The following KIAA1217 variants were observed in gnomAD, a reference collection of about 807,000 sequenced individuals.
KIAA1217 encodes sickle tail protein homolog.
A neutral mutation model predicts 163.9 loss-of-function variants in KIAA1217; 88 were observed. That is an observed-to-expected ratio of 0.54 (90% CI 0.45 to 0.64). KIAA1217 has a LOEUF of 0.64. Ranked by LOEUF, KIAA1217 falls within the 30% of genes least tolerant of loss-of-function variation. KIAA1217 has a pLI of 0.00. For missense variants in KIAA1217, 2,372 were observed against 2,475.0 expected (o/e 0.96, Z 0.88); for synonymous variants, 903 against 923.1 (o/e 0.98, Z 0.39).
intron 2 of KIAA1217, among the ~76,000 whole-genome samples, chr10:24,025,825 G>A (rs1008911183): frequency 1.1e-4 from 17 of 151,670 alleles, no homozygotes; most frequent in African/African-American, 4.1e-4. Flanking sequence ...CTAAAATACA[G>A]AAATACAATT....
intron 2 of KIAA1217, among the ~76,000 whole-genome samples, chr10:24,294,139 G>T (rs1047640602): frequency 1.2e-4 from 14 of 118,216 alleles, no homozygotes; most frequent in East Asian, 2.8e-4. Context: ...AGTGAGCCGA[G>T]ATAGCGCCAC....
intron 8 of KIAA1217, 114 bp from the exon 9 acceptor site, chr10:24,501,265 G>A (rs753810330): frequency 2.3e-4 from 196 of 854,354 alleles, no homozygotes; most frequent in Non-Finnish European, 3.3e-4. Flanking sequence ...CATATTTTTT[G>A]TAATGAGAGA....
chr10:24,039,786 A>T (rs1328367730), intron 2 of KIAA1217, among the ~76,000 whole-genome samples: 5 of 142,702 alleles, frequency 3.5e-5, no homozygotes, highest in Non-Finnish European at 7.6e-5. Flanking sequence ...TATTGGCATG[A>T]TATAGATATA....
At chr10:24,493,060 G>A (rs1428026336) in intron 6 of KIAA1217, among the ~76,000 whole-genome samples, 2 of 152,160 alleles carry the variant, frequency 1.3e-5, no homozygotes, top group South Asian at 2.1e-4. Flanking sequence ...TGGCCAGGCT[G>A]GTCTCGAAGT....
At chr10:24,321,406 G>A (rs964743087) in intron 2 of KIAA1217, among the ~76,000 whole-genome samples, 1 of 152,056 alleles carries the variant, frequency 6.6e-6, no homozygotes, top group Non-Finnish European at 1.5e-5. Flanking sequence ...GGGCGTAGTG[G>A]TGCATGCCTG....
At position 24,018,681 on chromosome 10, in the gene KIAA1217, T is replaced by C. The variant is rs867646580; in HGVS notation, c.-171+11307T>C. Among the ~76,000 whole-genome samples, 25 of 152,168 alleles carry C rather than the reference T, an allele frequency of 1.6e-4. 1 individual carries two copies. Among genetic ancestry groups the C allele is most frequent in the South Asian group, 8.3e-4 (4 of 4,824 alleles). On this transcript the variant is annotated intron_variant, in intron 2 of 18. Coordinates refer to the KIAA1217 transcript ENST00000376462. Reference sequence around the variant, plus strand: ...CAAAAAACTAAACTTAGAACTGCTATATGACCCAGCAATCCCACTACTGGG... The same window carrying C: ...CAAAAAACTAAACTTAGAACTGCTACATGACCCAGCAATCCCACTACTGGG...
intron 2 of KIAA1217, among the ~76,000 whole-genome samples, chr10:24,326,405 C>G (rs1286783664): frequency 6.6e-6 from 1 of 151,956 alleles, no homozygotes; most frequent in Non-Finnish European, 1.5e-5. Flanking sequence ...AAGTCGATGG[C>G]AAAATACTTT....
At chr10:24,082,244 AT>A (rs2131659619) in intron 2 of KIAA1217, among the ~76,000 whole-genome samples, 1 of 150,216 alleles carries the variant, frequency 6.7e-6, no homozygotes, top group South Asian at 2.1e-4. Context: ...TTTTTTCTTT[AT>A]TTTTATTTTT....
In KIAA1217 at chr10:24,495,200, A is replaced by G; in HGVS notation, c.1834+4A>G. Reference sequence around the variant, plus strand: ...AGGAACCACACAGATAGTGCAGGTAAGTAAGTGTTTTTGGAGCTGTAGGAG... The same window carrying G: ...AGGAACCACACAGATAGTGCAGGTAGGTAAGTGTTTTTGGAGCTGTAGGAG... On this transcript the variant is annotated splice_donor_region_variant and intron_variant, in intron 8 of 20. Transcript: ENST00000376454. The G allele has an allele frequency of 6.2e-7, 1 of 1,611,320 alleles. No individual in the cohort carries two copies. The highest frequency in any genetic ancestry group is 8.5e-7 in the Non-Finnish European group (1 of 1,178,992).
At chr10:24,198,709 G>T (rs929349764) in intron 2 of KIAA1217, among the ~76,000 whole-genome samples, 1 of 152,058 alleles carries the variant, frequency 6.6e-6, no homozygotes, top group Non-Finnish European at 1.5e-5. Context: ...CATGAAAGAG[G>T]CTCACATATA....
chr10:24,068,794 T>A (rs904332693), intron 2 of KIAA1217, among the ~76,000 whole-genome samples: 1 of 152,212 alleles, frequency 6.6e-6, no homozygotes, highest in Non-Finnish European at 1.5e-5. Context: ...AGAAGTTGAC[T>A]ATGCACCCAA....
At chr10:24,410,180 G>A (rs2057638237) in intron 3 of KIAA1217, among the ~76,000 whole-genome samples, 1 of 151,794 alleles carries the variant, frequency 6.6e-6, no homozygotes, top group Non-Finnish European at 1.5e-5. Context: ...ATTTTTAGTA[G>A]AGACAGGGTT....
chr10:24,453,874 A>C (rs1328681686), intron 5 of KIAA1217, among the ~76,000 whole-genome samples: 1 of 152,214 alleles, frequency 6.6e-6, no homozygotes, highest in East Asian at 1.9e-4. Context: ...ACGACTAAGG[A>C]GAGAAAAAGT....
chr10:24,315,025 A>G (rs1448618837), intron 2 of KIAA1217, among the ~76,000 whole-genome samples: 1 of 152,198 alleles, frequency 6.6e-6, no homozygotes, highest in Admixed American at 6.5e-5. Context: ...GAGGCTTTCC[A>G]TCTTATCTTG....
chr10:23,939,933 CATATTAAATATATA>C (rs1843686219), intron 1 of KIAA1217, among the ~76,000 whole-genome samples: 1 of 149,516 alleles, frequency 6.7e-6, no homozygotes, highest in South Asian at 2.1e-4. Flanking sequence ...AAATATGACA[CATATTAAATATATA>C]ATATTAAATA....
intron 6 of KIAA1217, among the ~76,000 whole-genome samples, chr10:24,488,762 G>A (rs968819456): frequency 1.3e-5 from 2 of 152,088 alleles, no homozygotes; most frequent in African/African-American, 4.8e-5. Context: ...CAGAGTCAGG[G>A]CATGAACAAA....
chr10:24,101,824 T>A (rs117833072), intron 2 of KIAA1217, among the ~76,000 whole-genome samples: 1 of 152,222 alleles, frequency 6.6e-6, no homozygotes, highest in African/African-American at 2.4e-5. Flanking sequence ...TTTTAAATTG[T>A]CTGAACAGTA....
chr10:23,937,520 A>G (rs1843582833), intron 1 of KIAA1217, among the ~76,000 whole-genome samples: 1 of 152,164 alleles, frequency 6.6e-6, no homozygotes, highest in Non-Finnish European at 1.5e-5. Context: ...GTTCACCAGA[A>G]TCTGCACCTT....
chr10:23,818,428 C>A (rs553033078), intron 1 of KIAA1217, among the ~76,000 whole-genome samples: 1 of 149,048 alleles, frequency 6.7e-6, no homozygotes, highest in African/African-American at 2.5e-5. Flanking sequence ...ACTAATTAGA[C>A]CCAAAGTGAA....
Sources: allele counts gnomAD v4.1 joint callset (sites outside exome capture counted in the v4.1 genomes callset), GRCh38; gene constraint gnomAD v4.1.1; transcripts MANE v1.5; gene names NCBI Gene and HGNC (gene_info 2026-07-23, HGNC 2026-07-21).